Variants in MBNL3 observed in about 807,000 individuals in gnomAD.
The protein encoded by MBNL3 is muscleblind-like protein 3.
Under a neutral mutation model 24.5 loss-of-function variants are expected in MBNL3, and 6 were observed. That is an observed-to-expected ratio of 0.25 (90% CI 0.13 to 0.48). MBNL3 has a LOEUF of 0.48. Ranked by LOEUF, MBNL3 falls within the 20% of genes least tolerant of loss-of-function variation. MBNL3 has a pLI of 0.99. For synonymous variants in MBNL3, 100 were observed against 101.7 expected, an observed-to-expected ratio of 0.98 and a Z score of 0.10; for missense variants, 230 against 293.5, an observed-to-expected ratio of 0.78 and a Z score of 1.58.
intron 2 of MBNL3, among the ~76,000 whole-genome samples, chrX:132,428,800 G>A (rs1315514881): frequency 1.8e-5 from 2 of 112,035 alleles, no homozygotes; most frequent in African/African-American, 6.5e-5. Flanking sequence ...ATTTCCGGAT[G>A]CACAGAAGTA....
At chrX:132,489,681 GA>G (rs1249197463), upstream of MBNL3, 6 of 88,066 alleles carry the variant, frequency 6.8e-5, no homozygotes, top group African/African-American at 1.2e-4. Context: ...CGCCAAAACG[GA>G]AACTCCCGCG....
chrX:132,477,393 A>G (rs190908302), intron 1 of MBNL3, among the ~76,000 whole-genome samples: 91 of 112,467 alleles, frequency 8.1e-4, no homozygotes, highest in African/African-American at 2.9e-3. Flanking sequence ...TAACATTTAA[A>G]TATCTATAAA....
intron 5 of MBNL3, among the ~76,000 whole-genome samples, chrX:132,387,595 A>G (rs927806748): frequency 2.7e-5 from 3 of 111,736 alleles, no homozygotes; most frequent in African/African-American, 9.7e-5. Flanking sequence ...AGAGTCTGAC[A>G]CTGTCACCCC....
chrX:132,435,414 T>C (rs1433462317), intron 2 of MBNL3, among the ~76,000 whole-genome samples: 1 of 111,766 alleles, frequency 8.9e-6, no homozygotes, highest in Non-Finnish European at 1.9e-5. Flanking sequence ...AAGTCTTGCA[T>C]AATCCAGTGA....
chrX:132,460,839 C>A (rs1046160693), intron 1 of MBNL3, among the ~76,000 whole-genome samples: 3 of 110,955 alleles, frequency 2.7e-5, no homozygotes, highest in African/African-American at 9.8e-5. Context: ...AATATGTAGT[C>A]TTTTATCCCT....
chrX:132,383,528 AT>A (rs1394485077), intron 7 of MBNL3, among the ~76,000 whole-genome samples: 1 of 112,495 alleles, frequency 8.9e-6, no homozygotes, highest in Non-Finnish European at 1.9e-5. Flanking sequence ...GCAAAGACAC[AT>A]TTCTCAAACT....
intron 1 of MBNL3, among the ~76,000 whole-genome samples, chrX:132,449,152 C>T (rs982993653): frequency 9.0e-6 from 1 of 111,518 alleles, no homozygotes; most frequent in Non-Finnish European, 1.9e-5. Context: ...TTTATTAGGT[C>T]CATTTGGTCC....
At position 132,375,396 on chromosome X, in the gene MBNL3, G is replaced by A. The variant is rs1482084308; in HGVS notation, c.*4270C>T. On this transcript the variant is annotated 3_prime_UTR_variant, in exon 9 of 9. Coordinates refer to ENST00000370853, the MANE Select transcript of MBNL3 (RefSeq NM_001386889.1). ...AGTTCAGAACCTAGCTAGGCGGGCA[G>A]AATCCATGCAGTAAAAGCTTAAACT... 9.0e-6 allele frequency: 1 copy of A among 111,332 alleles called. No individual in the cohort carries two copies. The highest frequency in any genetic ancestry group is 9.5e-5 in the Admixed American group (1 of 10,499). 9.2% of individuals were successfully genotyped at this position (111,332 alleles called of 1,213,427 possible). A position where few individuals can be genotyped will look rare whatever the true frequency, so the allele number is the denominator to read the frequency against.
intron 1 of MBNL3, among the ~76,000 whole-genome samples, chrX:132,444,817 T>G (rs1380649741): frequency 9.0e-6 from 1 of 111,603 alleles, no homozygotes; most frequent in Non-Finnish European, 1.9e-5. Context: ...ATTTTATTAT[T>G]TTTAAGAATT....
At chrX:132,480,252 T>A (rs1947660093) in intron 1 of MBNL3, among the ~76,000 whole-genome samples, 1 of 112,123 alleles carries the variant, frequency 8.9e-6, no homozygotes, top group East Asian at 2.8e-4. Flanking sequence ...TTATTTACCT[T>A]CATTATATTA....
intron 3 of MBNL3, among the ~76,000 whole-genome samples, chrX:132,396,987 T>C (rs896552213): frequency 2.8e-4 from 25 of 90,521 alleles, no homozygotes; most frequent in African/African-American, 9.6e-4. Flanking sequence ...TATGAATATA[T>C]ATGTATATGA....
At chrX:132,480,953 AC>A (rs1329114050) in intron 1 of MBNL3, among the ~76,000 whole-genome samples, 1 of 111,938 alleles carries the variant, frequency 8.9e-6, no homozygotes, top group Non-Finnish European at 1.9e-5. Flanking sequence ...ACCACATGAT[AC>A]AGTTCATAAA....
At chrX:132,403,446 A>AT (rs968688132) in intron 3 of MBNL3, among the ~76,000 whole-genome samples, 6 of 111,996 alleles carry the variant, frequency 5.4e-5, no homozygotes, top group African/African-American at 1.9e-4. Flanking sequence ...ATCTTGTAAC[A>AT]TTCTATAAAA....
At chrX:132,471,582 C>T (rs190642124) in intron 1 of MBNL3, among the ~76,000 whole-genome samples, 2 of 112,859 alleles carry the variant, frequency 1.8e-5, no homozygotes, top group Non-Finnish European at 3.7e-5. Flanking sequence ...GCTAGCTACT[C>T]AGGAGGCTGA....
At position 132,416,343 on chromosome X, in the gene MBNL3, TAAAAC is replaced by T. The variant is rs201556977; in HGVS notation, c.178-9956_178-9952del. Among the ~76,000 whole-genome samples the T allele has an allele frequency of 7.1e-3, 782 of 110,079 alleles. 6 individuals are homozygous for T. Among genetic ancestry groups the T allele is most frequent in the African/African-American group, 0.023 (683 of 29,900 alleles). On this transcript the variant is annotated intron_variant, in intron 2 of 8. Coordinates refer to ENST00000370853, the MANE Select transcript of MBNL3 (RefSeq NM_001386889.1). ...ACGTTTCTCACTAATATGCGAGAGC[TAAAAC>T]AAAACAAAACAAAACAAAACAAAAC...
At chrX:132,435,499 A>G (rs1945069455) in intron 2 of MBNL3, among the ~76,000 whole-genome samples, 1 of 111,458 alleles carries the variant, frequency 9.0e-6, no homozygotes, top group African/African-American at 3.3e-5. Context: ...GTAAGTATTC[A>G]GTCAAAAATA....
intron 1 of MBNL3, among the ~76,000 whole-genome samples, chrX:132,451,450 G>A (rs1946104174): frequency 9.0e-6 from 1 of 111,689 alleles, no homozygotes; most frequent in Admixed American, 9.4e-5. Flanking sequence ...CGAACTTTGA[G>A]GTGGCTTTGT....
intron 3 of MBNL3, among the ~76,000 whole-genome samples, chrX:132,393,698 T>C (rs367883494): frequency 1.8e-5 from 2 of 111,835 alleles, no homozygotes; most frequent in Admixed American, 9.5e-5. Context: ...ATAATGACTC[T>C]ACAAGTTAGT....
chrX:132,476,136 G>T (rs1947426381), intron 1 of MBNL3, among the ~76,000 whole-genome samples: 1 of 111,097 alleles, frequency 9.0e-6, no homozygotes, highest in Non-Finnish European at 1.9e-5. Flanking sequence ...ATTTTCTTCT[G>T]TTTTAATGAT....
Sources: allele counts gnomAD v4.1 joint callset (sites outside exome capture counted in the v4.1 genomes callset), GRCh38; gene constraint gnomAD v4.1.1; transcripts MANE v1.5; gene names NCBI Gene and HGNC (gene_info 2026-07-23, HGNC 2026-07-21).